MTMR12: variants seen among roughly 807,000 people sequenced by gnomAD.
The protein encoded by MTMR12 is myotubularin-related protein 12.
A neutral mutation model predicts 96.7 loss-of-function variants in MTMR12; 33 were observed. The ratio of observed to expected loss-of-function variants is 0.34; its 90% CI spans 0.26 to 0.46. MTMR12 has a LOEUF of 0.46. Ranked by LOEUF, MTMR12 falls within the 20% of genes least tolerant of loss-of-function variation. MTMR12 has a pLI of 1.00. For synonymous variants in MTMR12, 298 were observed against 327.2 expected (o/e 0.91, Z 0.96); for missense variants, 721 against 896.1 (o/e 0.80, Z 2.49).
intron 1 of MTMR12, among the ~76,000 whole-genome samples, chr5:32,282,253 TCTA>T (rs1750327259): frequency 6.6e-6 from 1 of 151,802 alleles, no homozygotes. Context: ...AAACCCCGTC[TCTA>T]CTAACAATAC....
At chr5:32,261,723 C>A (rs1000215001) in intron 7 of MTMR12, among the ~76,000 whole-genome samples, 2 of 152,162 alleles carry the variant, frequency 1.3e-5, no homozygotes, top group Non-Finnish European at 2.9e-5. Flanking sequence ...CACTGCCAAG[C>A]AAATGGAAGG....
At chr5:32,239,222 G>A (rs1748363144) in intron 12 of MTMR12, 49 bp from the exon 13 acceptor site, 3 of 1,473,024 alleles carry the variant, frequency 2.0e-6, no homozygotes, top group African/African-American at 2.8e-5. Flanking sequence ...GGCATAAAAT[G>A]TTAAAAAGTT....
chr5:32,247,696 T>A (rs1365541580), intron 10 of MTMR12: 1 of 949,384 alleles, frequency 1.1e-6, no homozygotes, highest in Non-Finnish European at 1.3e-6. Context: ...ACTACATAGT[T>A]CAAAAACTTT....
intron 3 of MTMR12, among the ~76,000 whole-genome samples, chr5:32,272,254 G>C (rs1397318271): frequency 2.0e-5 from 3 of 151,928 alleles, no homozygotes; most frequent in Non-Finnish European, 4.4e-5. Context: ...TCGCACCACT[G>C]CACTTCAGCC....
In MTMR12 at chr5:32,299,095, A is replaced by G. The variant is rs187887052; in HGVS notation, c.81+13663T>C. On this transcript the variant is annotated intron_variant, in intron 1 of 15. Transcript: ENST00000382142. ...TACACATACACACACACGCACACAC[A>G]CACACATACCTGCAGCTTCTGGGGT... Among the ~76,000 whole-genome samples the G allele has an allele frequency of 3.7e-3, 569 of 152,196 alleles. 4 individuals carry two copies. Among genetic ancestry groups the G allele is most frequent in the Non-Finnish European group, 5.1e-3 (349 of 68,006 alleles).
At chr5:32,242,013 G>C in intron 12 of MTMR12, 44 bp downstream of exon 12, 2 of 1,519,476 alleles carry the variant, frequency 1.3e-6, no homozygotes, top group Non-Finnish European at 9.1e-7. Flanking sequence ...TGAATCTCAA[G>C]TGAAGGAAAA....
rs147861998 is a variant in MTMR12 at position 32,268,057 on chromosome 5, G to A, written c.583+644C>T. On this transcript the variant is annotated intron_variant, in intron 6 of 15. Coordinates refer to ENST00000382142, the MANE Select transcript of MTMR12 (RefSeq NM_001040446.3). ...CCAGGTTGCCAGGATGGTCTTGATC[G>A]CCTGACCTCGTGATCCACCCACCTC... Among the ~76,000 whole-genome samples, 276 of 152,110 alleles carry A rather than the reference G, an allele frequency of 1.8e-3. 1 individual carries two copies. The highest frequency in any genetic ancestry group is 6.4e-3 in the African/African-American group (267 of 41,512).
rs762877057 is a variant in MTMR12, at chr5:32,229,545, G to A, written c.*233C>T. 2.1e-5 allele frequency: 8 copies of A among 383,130 alleles called. No homozygotes were observed. The highest frequency in any genetic ancestry group is 1.3e-4 in the Admixed American group (3 of 22,542). The allele number at this position is 383,130 out of a possible 1,614,324, so 23.7% of individuals were successfully genotyped here. On this transcript the variant is annotated 3_prime_UTR_variant, in exon 16 of 16. Coordinates refer to ENST00000382142, the MANE Select transcript of MTMR12 (RefSeq NM_001040446.3). ...AGAAAACGGCCACAACCCTATTACG[G>A]GTCAAGTAATAATTCCTTCCAATTA...
Position 32,255,696 on chromosome 5 carries a change from T to C in MTMR12, c.786A>G (p.Ile262Met), listed in dbSNP as rs1320389798. ...ENVQRFQGHGIPIWCWSCHNG... is the reference protein window; with the variant it reads ...ENVQRFQGHGMPIWCWSCHNG... ...CAGGGTTCCCAGATGCACTTACTGG[T>C]ATGCCATGACCCTGAAAGCGCTGCA... The change falls in exon 8 of 16, where the codon ATA becomes ATG. Residue 262 changes from isoleucine (I) to methionine (M), a missense_variant. Ile to Met is a conservative substitution (Grantham distance 10). Coordinates refer to ENST00000382142, the MANE Select transcript of MTMR12 (RefSeq NM_001040446.3). 8 of 1,609,978 alleles carry C rather than the reference T, an allele frequency of 5.0e-6. No homozygotes were observed. Among genetic ancestry groups the C allele is most frequent in the Non-Finnish European group, 6.8e-6 (8 of 1,178,272 alleles).
chr5:32,283,524 C>T (rs1461741511), intron 1 of MTMR12, among the ~76,000 whole-genome samples: 1 of 152,168 alleles, frequency 6.6e-6, no homozygotes, highest in African/African-American at 2.4e-5. Context: ...TAGTATGTGG[C>T]ACAGGTGAAA....
At chr5:32,231,470 A>G (rs1341131366) in intron 15 of MTMR12, among the ~76,000 whole-genome samples, 2 of 151,370 alleles carry the variant, frequency 1.3e-5, no homozygotes, top group African/African-American at 4.9e-5. Flanking sequence ...AAGTAAAAAC[A>G]TGTGGGGAGA....
chr5:32,238,143 C>CAAAAAAAA (rs746835069), intron 13 of MTMR12, among the ~76,000 whole-genome samples: 1 of 58,970 alleles, frequency 1.7e-5, no homozygotes, highest in Non-Finnish European at 3.3e-5. Context: ...GACTCCGTCT[C>CAAAAAAAA]AAAAAAAAAA....
intron 1 of MTMR12, among the ~76,000 whole-genome samples, chr5:32,278,421 T>G (rs1750142860): frequency 6.6e-6 from 1 of 152,180 alleles, no homozygotes; most frequent in South Asian, 2.1e-4. Context: ...GGTGGGAAAT[T>G]TTCTGAATTT....
intron 10 of MTMR12, among the ~76,000 whole-genome samples, chr5:32,246,991 G>A (rs769969948): frequency 2.0e-5 from 3 of 152,130 alleles, no homozygotes; most frequent in Non-Finnish European, 4.4e-5. Flanking sequence ...AAGACCCCTT[G>A]TTCAATGGAA....
chr5:32,296,802 A>T (rs1359048347), intron 1 of MTMR12, among the ~76,000 whole-genome samples: 6 of 134,280 alleles, frequency 4.5e-5, no homozygotes, highest in Admixed American at 7.4e-5. Context: ...CATTCTCTTT[A>T]AAAAAAAAAA....
At chr5:32,291,390 T>C (rs755293504) in intron 1 of MTMR12, among the ~76,000 whole-genome samples, 16 of 152,294 alleles carry the variant, frequency 1.1e-4, no homozygotes, top group South Asian at 1.0e-3. Flanking sequence ...TACTGATTCA[T>C]AGGCTGTAGC....
In MTMR12 at chr5:32,232,386, A is replaced by G. The variant is rs138353607; in HGVS notation, c.1674+1387T>C. 6.5e-4 allele frequency among the ~76,000 whole-genome samples: 99 copies of G among 152,366 alleles called. 1 individual carries two copies. The East Asian group carries it at 0.017, about 26-fold the overall frequency. The stretch of plus-strand genomic sequence containing the variant: ...CTGAAATTCTCCACCCCTTCAGCTC[A>G]GTCCTTTCCCACCTGCCAACTCCTG... On this transcript the variant is annotated intron_variant, in intron 15 of 15. Coordinates refer to ENST00000382142, the MANE Select transcript of MTMR12 (RefSeq NM_001040446.3).
intron 7 of MTMR12, among the ~76,000 whole-genome samples, chr5:32,261,246 G>A (rs1464566735): frequency 1.3e-5 from 2 of 151,786 alleles, no homozygotes; most frequent in African/African-American, 4.8e-5. Flanking sequence ...AAAACATGTA[G>A]GTCAGATCAT....
At chr5:32,311,707 C>T (rs1317280540) in intron 1 of MTMR12, among the ~76,000 whole-genome samples, 2 of 152,258 alleles carry the variant, frequency 1.3e-5, no homozygotes, top group African/African-American at 2.4e-5. Flanking sequence ...AACCTCCTCT[C>T]CTATGACTGT....
Sources: gnomAD v4.1 joint callset for allele counts (sites outside exome capture counted in the v4.1 genomes callset) on GRCh38, gnomAD v4.1.1 for gene constraint, MANE v1.5 for transcripts, NCBI Gene and HGNC (gene_info 2026-07-23, HGNC 2026-07-21) for gene names.